Variants in SYT9 observed in about 807,000 individuals in gnomAD.
The protein encoded by SYT9 is synaptotagmin 9.
A neutral mutation model predicts 48.4 loss-of-function variants in SYT9; 22 were observed. The observed-to-expected ratio is 0.45, with a 90% CI of 0.32 to 0.65. SYT9 has a LOEUF of 0.65. SYT9 is among the 30% of genes least tolerant of loss of function. The pLI is 0.03. For synonymous variants in SYT9, 265 were observed against 245.0 expected, an observed-to-expected ratio of 1.08 and a Z score of -0.76; for missense variants, 577 against 622.0, an observed-to-expected ratio of 0.93 and a Z score of 0.77.
At chr11:7,381,285 A>G (rs1433176897) in intron 3 of SYT9, among the ~76,000 whole-genome samples, 2 of 152,220 alleles carry the variant, frequency 1.3e-5, no homozygotes, top group South Asian at 2.1e-4. Flanking sequence ...TTGGTCTGGT[A>G]TCATCTGCTT....
intron 1 of SYT9, among the ~76,000 whole-genome samples, chr11:7,288,383 C>T (rs1029424939): frequency 1.4e-4 from 22 of 152,042 alleles, no homozygotes; most frequent in African/African-American, 4.8e-4. Flanking sequence ...TCTAATACCT[C>T]TTATTTCTGT....
At chr11:7,344,501 A>G (rs1849766835) in intron 3 of SYT9, among the ~76,000 whole-genome samples, 1 of 151,822 alleles carries the variant, frequency 6.6e-6, no homozygotes, top group Admixed American at 6.6e-5. Context: ...ATTTTTTTTT[A>G]CTGTTTTACT....
intron 1 of SYT9, among the ~76,000 whole-genome samples, chr11:7,257,583 T>C (rs139574350): frequency 0.021 from 3,136 of 152,282 alleles, 47 homozygotes; most frequent in Non-Finnish European, 0.033. Flanking sequence ...TTAGCCTTGA[T>C]TCAAATTTTT....
chr11:7,306,504 T>C (rs1436046216), intron 2 of SYT9, among the ~76,000 whole-genome samples: 1 of 152,212 alleles, frequency 6.6e-6, no homozygotes, highest in Admixed American at 6.5e-5. Flanking sequence ...TAACATGAAC[T>C]CAATAGGAGA....
intron 6 of SYT9, among the ~76,000 whole-genome samples, chr11:7,428,211 AT>A (rs1436578865): frequency 7.9e-5 from 12 of 152,224 alleles, no homozygotes; most frequent in Non-Finnish European, 1.6e-4. Flanking sequence ...GTGGTAGAAA[AT>A]AACATTTCTG....
chr11:7,352,522 A>C (rs1849937317), intron 3 of SYT9, among the ~76,000 whole-genome samples: 1 of 152,204 alleles, frequency 6.6e-6, no homozygotes, highest in Non-Finnish European at 1.5e-5. Context: ...GAAATATATG[A>C]TGCTTCTCGA....
At chr11:7,362,114 T>A (rs1404688730) in intron 3 of SYT9, among the ~76,000 whole-genome samples, 2 of 151,256 alleles carry the variant, frequency 1.3e-5, no homozygotes, top group African/African-American at 4.8e-5. Flanking sequence ...TTTCTTTTTC[T>A]TTCTTTCTTT....
At chr11:7,376,345 T>TTTCC (rs370224542) in intron 3 of SYT9, among the ~76,000 whole-genome samples, 9,928 of 142,684 alleles carry the variant, frequency 0.07, 397 homozygotes, top group Middle Eastern at 0.14. Flanking sequence ...TCCCTCTTTC[T>TTTCC]TTCCTTCCTT....
At chr11:7,247,502 CACATATAT>C (rs1191975527), upstream of SYT9, among the ~76,000 whole-genome samples, 4 of 148,226 alleles carry the variant, frequency 2.7e-5, no homozygotes, top group Admixed American at 6.8e-5. Context: ...CATATATATA[CACATATAT>C]ACATATATAC....
intron 3 of SYT9, among the ~76,000 whole-genome samples, chr11:7,390,347 T>C (rs1009647342): frequency 6.6e-6 from 1 of 152,182 alleles, no homozygotes; most frequent in East Asian, 1.9e-4. Flanking sequence ...TGTATAAATA[T>C]TATTTTAACT....
chr11:7,257,306 G>A (rs1453072669), intron 1 of SYT9, among the ~76,000 whole-genome samples: 1 of 151,972 alleles, frequency 6.6e-6, no homozygotes, highest in Non-Finnish European at 1.5e-5. Flanking sequence ...TTTTCCCAAC[G>A]TTATCCTACA....
chr11:7,294,245 G>T (rs778877241), intron 1 of SYT9, among the ~76,000 whole-genome samples: 1 of 152,062 alleles, frequency 6.6e-6, no homozygotes, highest in African/African-American at 2.4e-5. Flanking sequence ...TATGAATTTG[G>T]GGGGGACACA....
At chr11:7,361,936 GAA>G (rs1850144207) in intron 3 of SYT9, among the ~76,000 whole-genome samples, 1 of 152,030 alleles carries the variant, frequency 6.6e-6, no homozygotes, top group African/African-American at 2.4e-5. Flanking sequence ...TATGGTCACT[GAA>G]AAGCTCCTCT....
intron 3 of SYT9, among the ~76,000 whole-genome samples, chr11:7,364,666 C>G (rs1850208233): frequency 1.3e-5 from 2 of 152,180 alleles, no homozygotes; most frequent in South Asian, 4.1e-4. Flanking sequence ...GTTGGAAATT[C>G]TCTGCTGTCT....
chr11:7,359,890 C>T lies in SYT9; in HGVS notation c.1044+45949C>T, dbSNP rs186237153. 2.6e-3 allele frequency among the ~76,000 whole-genome samples: 402 copies of T among 152,040 alleles called. 2 individuals carry two copies. The highest frequency in any genetic ancestry group is 9.1e-3 in the African/African-American group (379 of 41,466). On this transcript the variant is annotated intron_variant, in intron 3 of 6. Coordinates refer to ENST00000318881, the MANE Select transcript of SYT9 (RefSeq NM_175733.4). The stretch of plus-strand genomic sequence containing the variant: ...ATTTGTCAATTTTGGCTTTTGTTAC[C>T]ATTGCTTTTGGTGTTTTAGACATGA...
intron 1 of SYT9, chr11:7,238,988 G>A: frequency 2.2e-6 from 1 of 455,032 alleles, no homozygotes. Context: ...CCCAGAAGTG[G>A]TGGGAGTGGT....
rs183033518 is a variant in SYT9 at position 7,374,687 on chromosome 11, G to T, written c.1045-41355G>T. Reference sequence around the variant, plus strand: ...AATGACCAATGATGATGCGCTTTTTGCCATATGTTTCTTGGCCACATAAAT... The same window carrying T: ...AATGACCAATGATGATGCGCTTTTTTCCATATGTTTCTTGGCCACATAAAT... On this transcript the variant is annotated intron_variant, in intron 3 of 6. Transcript: ENST00000318881. Among the ~76,000 whole-genome samples, 239 of 152,104 alleles carry T rather than the reference G, an allele frequency of 1.6e-3. 1 individual carries two copies. Among genetic ancestry groups the T allele is most frequent in the South Asian group, 0.01 (49 of 4,822 alleles).
At chr11:7,368,424 G>A (rs2134026136) in intron 3 of SYT9, among the ~76,000 whole-genome samples, 1 of 152,226 alleles carries the variant, frequency 6.6e-6, no homozygotes, top group African/African-American at 2.4e-5. Flanking sequence ...AGGTATACAT[G>A]TGCTGTGGTG....
intron 3 of SYT9, among the ~76,000 whole-genome samples, chr11:7,365,285 C>T (rs1401745601): frequency 6.6e-6 from 1 of 151,948 alleles, no homozygotes; most frequent in African/African-American, 2.4e-5. Flanking sequence ...TAAAAAAATC[C>T]AAGATGGAAT....
Sources: gnomAD v4.1 joint callset for allele counts (sites outside exome capture counted in the v4.1 genomes callset) on GRCh38, gnomAD v4.1.1 for gene constraint, MANE v1.5 for transcripts, NCBI Gene and HGNC (gene_info 2026-07-23, HGNC 2026-07-21) for gene names.